Variants in PODXL2 observed in about 807,000 individuals in gnomAD.
PODXL2 encodes podocalyxin like 2.
A neutral mutation model predicts 53.4 loss-of-function variants in PODXL2; 17 were observed. That is an observed-to-expected ratio of 0.32 (90% CI 0.22 to 0.48). The LOEUF (loss-of-function observed/expected upper bound fraction) is 0.48. Among genes scored for constraint, PODXL2 ranks in the 20% least tolerant of loss-of-function variants. The pLI is 0.99. For missense variants in PODXL2, 673 were observed against 760.0 expected (o/e 0.89, Z 1.35); for synonymous variants, 311 against 306.7 (o/e 1.01, Z -0.15).
chr3:127,629,321 G>C lies in PODXL2; in HGVS notation c.70+32G>C. 1 of 1,012,468 alleles carries C rather than the reference G, an allele frequency of 9.9e-7. No homozygotes were observed. Among genetic ancestry groups the C allele is most frequent in the African/African-American group, 1.7e-5 (1 of 57,362 alleles). 62.7% of individuals were successfully genotyped at this position (1,012,468 alleles called of 1,614,324 possible). ...GCGCTCCGGGCCCGAGCGCGGGAGG[G>C]CGGGCGGCGGCGTGGGCGCGGTGCT... is the stretch of plus-strand genomic sequence containing the variant. On this transcript the variant is annotated intron_variant, in intron 1 of 7. Coordinates refer to ENST00000342480, the MANE Select transcript of PODXL2 (RefSeq NM_015720.4). The surrounding 1 kb of genome is among the most constrained non-coding windows in gnomAD (Gnocchi z 6.4).
At chr3:127,640,110 G>A (rs556854516) in intron 2 of PODXL2, among the ~76,000 whole-genome samples, 1 of 152,264 alleles carries the variant, frequency 6.6e-6, no homozygotes, top group East Asian at 1.9e-4. Context: ...GAACATTTGG[G>A]TCCCGAAGAA....
chr3:127,640,695 C>CT (rs1450009557), intron 2 of PODXL2, among the ~76,000 whole-genome samples: 4 of 110,486 alleles, frequency 3.6e-5, no homozygotes, highest in Non-Finnish European at 6.3e-5. Flanking sequence ...GAACAAAACT[C>CT]TATCTCAAAA....
intron 1 of PODXL2, among the ~76,000 whole-genome samples, chr3:127,633,870 T>C (rs1447155821): frequency 6.6e-6 from 1 of 151,530 alleles, no homozygotes; most frequent in African/African-American, 2.4e-5. Flanking sequence ...GGAGTGAGAA[T>C]TAGCAGGTGG....
chr3:127,669,620 G>A (rs2074817734), intron 6 of PODXL2, among the ~76,000 whole-genome samples: 1 of 152,182 alleles, frequency 6.6e-6, no homozygotes. Flanking sequence ...AGCAAGCCTG[G>A]GAGACCTGGA....
In PODXL2 at chr3:127,672,386, G is replaced by A. The variant is rs2074855049; in HGVS notation, c.1724G>A (p.Gly575Glu). ...AAGCACCCCAGCCTGAACGGCGGCG[G>A]GGCCCTCAACGGCCCGGGGAGCTGG... ...QEKHPSLNGG[G>E]ALNGPGSWGA... The change falls in exon 8 of 8, where the codon GGG becomes GAG. Residue 575 changes from glycine to glutamate, a missense_variant. Gly to Glu is a moderately conservative substitution (Grantham distance 98). Around this residue, in one of 3 missense-constraint regions of PODXL2, gnomAD observed 79 missense variants for 70.5 expected, o/e 1.12. Transcript: ENST00000342480. 2 of 1,545,728 alleles carry A rather than the reference G, an allele frequency of 1.3e-6. No homozygotes were observed. Among genetic ancestry groups the A allele is most frequent in the Non-Finnish European group, 1.7e-6 (2 of 1,146,560 alleles).
intron 4 of PODXL2, among the ~76,000 whole-genome samples, chr3:127,662,555 G>A (rs1002932700): frequency 6.6e-6 from 1 of 152,186 alleles, no homozygotes; most frequent in Non-Finnish European, 1.5e-5. Flanking sequence ...CTTTGTTCAT[G>A]TGTGCACCAT....
At chr3:127,649,971 T>C (rs1293800416) in intron 2 of PODXL2, among the ~76,000 whole-genome samples, 15 of 152,236 alleles carry the variant, frequency 9.9e-5, no homozygotes, top group African/African-American at 3.6e-4. Flanking sequence ...TACTAAAACG[T>C]CTTCCCTTGC....
chr3:127,653,818 T>A (rs10212260), intron 2 of PODXL2, among the ~76,000 whole-genome samples: 3,134 of 152,324 alleles, frequency 0.021, 109 homozygotes, highest in African/African-American at 0.067. Context: ...TGTATCAGTG[T>A]GTATGTGTAC....
Position 127,671,627 on chromosome 3 carries a change from C to G in PODXL2, c.1605+14C>G. The G allele has an allele frequency of 6.2e-7, 1 of 1,610,424 alleles. No individual in the cohort carries two copies. The highest frequency in any genetic ancestry group is 2.2e-5 in the East Asian group (1 of 44,838). On this transcript the variant is annotated intron_variant, in intron 7 of 7. Transcript: ENST00000342480. ...CTCAAGCACGTGGTGAGTGTGGGGA[C>G]AGGTGGGGCTGGGGGCCAGTTGAGA...
chr3:127,672,335 G>A lies in PODXL2; in HGVS notation c.1673G>A (p.Ser558Asn). The change falls in exon 8 of 8, where the codon AGC becomes AAC. Residue 558 changes from serine (S) to asparagine (N), a missense_variant. This residue lies in a region of PODXL2 where 79 missense variants were observed against 70.5 expected (regional missense o/e 1.12). Coordinates refer to ENST00000342480, the MANE Select transcript of PODXL2 (RefSeq NM_015720.4). ...GACAACCCCACGCTGGACGTGGCCA[G>A]CGACAGCCAGTCGGAGATGCAGGAG... ...CHDNPTLDVA[S>N]DSQSEMQEKH... The A allele has an allele frequency of 1.3e-6, 2 of 1,550,122 alleles. No individual in the cohort carries two copies. The highest frequency in any genetic ancestry group is 2.4e-5 in the South Asian group (2 of 84,334).
chr3:127,654,116 C>T lies in PODXL2; in HGVS notation c.350-6262C>T, dbSNP rs577809320. The stretch of plus-strand genomic sequence containing the variant: ...TAGTCCACTATCCGGTCCAGAATCA[C>T]GTACTGCATTTAGTCCGCATGTCTC... On this transcript the variant is annotated intron_variant, in intron 2 of 7. Transcript: ENST00000342480. 8.5e-5 allele frequency among the ~76,000 whole-genome samples: 13 copies of T among 152,326 alleles called. No homozygotes were observed. The South Asian group carries it at 2.5e-3, about 29-fold the overall frequency.
chr3:127,661,597 T>C (rs1005055835), intron 3 of PODXL2, among the ~76,000 whole-genome samples: 4 of 152,004 alleles, frequency 2.6e-5, no homozygotes, highest in Non-Finnish European at 4.4e-5. Flanking sequence ...CCACCATGCC[T>C]GGCTAATTTT....
intron 1 of PODXL2, among the ~76,000 whole-genome samples, chr3:127,637,881 C>T (rs958327735): frequency 2.0e-5 from 3 of 152,136 alleles, no homozygotes; most frequent in African/African-American, 7.2e-5. Context: ...AGTATTGGCA[C>T]GTATCAAGCT....
At chr3:127,633,998 T>G (rs541537564) in intron 1 of PODXL2, among the ~76,000 whole-genome samples, 72 of 152,098 alleles carry the variant, frequency 4.7e-4, no homozygotes, top group Non-Finnish European at 8.1e-4. Flanking sequence ...TCAGTTTGTC[T>G]GAAGCGTAGA....
In PODXL2 at chr3:127,629,734, G is replaced by A. The variant is rs2074530455; in HGVS notation, c.70+445G>A. On this transcript the variant is annotated intron_variant, in intron 1 of 7. Coordinates refer to ENST00000342480, the MANE Select transcript of PODXL2 (RefSeq NM_015720.4). The surrounding 1 kb of genome is among the most constrained non-coding windows in gnomAD (Gnocchi z 6.4). ...AGGCCGCATTGTGAAGGTCCCAGGG[G>A]CCGCCTGCGGAGTGTGGGGCGGGTA... is the stretch of plus-strand genomic sequence containing the variant. 6.6e-6 allele frequency among the ~76,000 whole-genome samples: 1 copy of A among 152,184 alleles called. No individual in the cohort carries two copies. The highest frequency in any genetic ancestry group is 1.5e-5 in the Non-Finnish European group (1 of 68,020).
chr3:127,652,715 C>G (rs1256439338), intron 2 of PODXL2, among the ~76,000 whole-genome samples: 2 of 152,152 alleles, frequency 1.3e-5, no homozygotes, highest in Non-Finnish European at 2.9e-5. Context: ...GTGTGGGGCT[C>G]TAGAGGTACA....
At chr3:127,648,312 C>A (rs1367172213) in intron 2 of PODXL2, among the ~76,000 whole-genome samples, 1 of 152,196 alleles carries the variant, frequency 6.6e-6, no homozygotes, top group Non-Finnish European at 1.5e-5. Context: ...GAGCTGGTTC[C>A]TGTACAGCGA....
chr3:127,663,768 C>T (rs989485472), intron 4 of PODXL2, among the ~76,000 whole-genome samples: 1 of 152,194 alleles, frequency 6.6e-6, no homozygotes, highest in Admixed American at 6.5e-5. Context: ...CCCTCATTCC[C>T]TTCATTGGGA....
chr3:127,653,773 G>A (rs1325884674), intron 2 of PODXL2, among the ~76,000 whole-genome samples: 1 of 152,078 alleles, frequency 6.6e-6, no homozygotes, highest in Non-Finnish European at 1.5e-5. Flanking sequence ...CCCCTTGCTC[G>A]GACTCCCCCA....
Sources: allele counts gnomAD v4.1 joint callset (sites outside exome capture counted in the v4.1 genomes callset), GRCh38; gene constraint gnomAD v4.1.1; regional missense constraint gnomAD v4.1.1; non-coding constraint Gnocchi (gnomAD v3.1); transcripts MANE v1.5; gene names NCBI Gene and HGNC (gene_info 2026-07-23, HGNC 2026-07-21).